AIG1: variants seen among roughly 807,000 people sequenced by gnomAD.
The protein encoded by AIG1 is androgen-induced gene 1 protein.
Under a neutral mutation model 31.4 loss-of-function variants are expected in AIG1, and 23 were observed. That is an observed-to-expected ratio of 0.73 (90% CI 0.53 to 1.04). The LOEUF (loss-of-function observed/expected upper bound fraction) is 1.04, where lower values mean the gene tolerates loss of function less well. Among genes scored for constraint, AIG1 ranks in the 50% least tolerant of loss-of-function variants. The probability of loss-of-function intolerance (pLI) is 0.00; values close to 1 mark genes in which losing one functional copy is unlikely to be tolerated. For synonymous variants in AIG1, 100 were observed against 110.5 expected, an observed-to-expected ratio of 0.90 and a Z score of 0.60; for missense variants, 274 against 295.0, an observed-to-expected ratio of 0.93 and a Z score of 0.52.
At chr6:143,060,319 G>A (rs1246038573), upstream of AIG1, among the ~76,000 whole-genome samples, 1 of 152,210 alleles carries the variant, frequency 6.6e-6, no homozygotes, top group Non-Finnish European at 1.5e-5. Context: ...GCGGCTGCCT[G>A]TGCTCGGGTT....
intron 3 of AIG1, among the ~76,000 whole-genome samples, chr6:143,191,971 C>T (rs892304365): frequency 6.6e-6 from 1 of 152,146 alleles, no homozygotes; most frequent in Admixed American, 6.5e-5. Context: ...CCCAAACTCT[C>T]CTCATTCTGT....
intron 1 of AIG1, among the ~76,000 whole-genome samples, chr6:143,124,325 T>A (rs1323014896): frequency 1.3e-5 from 2 of 152,194 alleles, no homozygotes; most frequent in Non-Finnish European, 2.9e-5. Context: ...GGACATCCAG[T>A]GTTGCTCTGC....
intron 1 of AIG1, among the ~76,000 whole-genome samples, chr6:143,111,986 A>G (rs1781316030): frequency 6.6e-6 from 1 of 152,084 alleles, no homozygotes; most frequent in Non-Finnish European, 1.5e-5. Flanking sequence ...CTCCAATCTC[A>G]TATCTGCTTT....
chr6:143,160,077 TG>T (rs1196523427), intron 2 of AIG1, among the ~76,000 whole-genome samples: 3 of 152,320 alleles, frequency 2.0e-5, no homozygotes, highest in African/African-American at 7.2e-5. Flanking sequence ...CAGTTGAAGC[TG>T]CAGACTTTAA....
chr6:143,272,203 A>G (rs1018881398), intron 3 of AIG1, among the ~76,000 whole-genome samples: 2 of 152,214 alleles, frequency 1.3e-5, no homozygotes, highest in African/African-American at 4.8e-5. Flanking sequence ...AAAAAGAGGG[A>G]TTAACTCCGC....
rs1795353853 is a variant in AIG1, at chr6:143,256,002, T to C, written c.400-28108T>C. ...TCCTGAGTTGTCTAAAATTATGACA[T>C]AGTTATTTTCATTATTGTACAGTTT... On this transcript the variant is annotated intron_variant, in intron 3 of 5. Transcript: ENST00000357847. This position sits in a 1 kb window ranked among gnomAD's most constrained non-coding sequence, Gnocchi z 4.6. 6.6e-6 allele frequency among the ~76,000 whole-genome samples: 1 copy of C among 152,214 alleles called. No individual in the cohort carries two copies. The highest frequency in any genetic ancestry group is 2.4e-5 in the African/African-American group (1 of 41,456).
At chr6:143,127,654 A>C (rs1052177538) in intron 1 of AIG1, among the ~76,000 whole-genome samples, 3 of 152,118 alleles carry the variant, frequency 2.0e-5, no homozygotes, top group African/African-American at 4.8e-5. Flanking sequence ...CAACTAATTA[A>C]GGACATAACT....
intron 3 of AIG1, among the ~76,000 whole-genome samples, chr6:143,213,173 G>A (rs1404111454): frequency 6.6e-6 from 1 of 152,220 alleles, no homozygotes; most frequent in Non-Finnish European, 1.5e-5. Context: ...TTTTGATGCA[G>A]TATCATTTAA....
chr6:143,321,585 G>A (rs370719404), intron 4 of AIG1, among the ~76,000 whole-genome samples: 8 of 151,790 alleles, frequency 5.3e-5, no homozygotes, highest in African/African-American at 1.9e-4. Context: ...GAGGAAGACT[G>A]TATAAAAAAA....
chr6:143,312,038 C>G (rs1463584589), intron 4 of AIG1, among the ~76,000 whole-genome samples: 1 of 151,802 alleles, frequency 6.6e-6, no homozygotes, highest in East Asian at 1.9e-4. Context: ...AACTATAAAA[C>G]ATGGTGAAAG....
Position 143,334,043 on chromosome 6 carries a change from T to G in AIG1, c.679+598T>G. 6.5e-7 allele frequency: 1 copy of G among 1,549,576 alleles called. No homozygotes were observed. Among genetic ancestry groups the G allele is most frequent in the East Asian group, 2.4e-5 (1 of 40,916 alleles). ...TGGCTGGAAAAACTCTTTTAACCTG[T>G]GATTTGATTTCTCTTTTGTTTCCAT... On this transcript the variant is annotated intron_variant, in intron 5 of 5. Transcript: ENST00000357847. The surrounding 1 kb of genome is among the most constrained non-coding windows in gnomAD (Gnocchi z 5.1).
chr6:143,103,331 A>G (rs1780476721), intron 1 of AIG1, among the ~76,000 whole-genome samples: 1 of 152,152 alleles, frequency 6.6e-6, no homozygotes, highest in Non-Finnish European at 1.5e-5. Flanking sequence ...AACATTGATT[A>G]GCTAAATTAA....
chr6:143,255,089 C>G (rs1795288417), intron 3 of AIG1, among the ~76,000 whole-genome samples: 1 of 152,186 alleles, frequency 6.6e-6, no homozygotes, highest in African/African-American at 2.4e-5. Flanking sequence ...TAGGTAAACT[C>G]TCACATAAGA....
intron 3 of AIG1, among the ~76,000 whole-genome samples, chr6:143,262,656 G>A (rs1386478573): frequency 1.3e-5 from 2 of 151,634 alleles, no homozygotes; most frequent in Admixed American, 6.6e-5. Context: ...GGTAGAAGGA[G>A]GCAATATGCA....
At chr6:143,274,841 T>C (rs1796780517) in intron 3 of AIG1, among the ~76,000 whole-genome samples, 1 of 152,218 alleles carries the variant, frequency 6.6e-6, no homozygotes, top group East Asian at 1.9e-4. Flanking sequence ...TCGTCATGTA[T>C]AAAATGAAGA....
At chr6:143,162,553 T>G (rs995453655) in intron 2 of AIG1, among the ~76,000 whole-genome samples, 4 of 152,082 alleles carry the variant, frequency 2.6e-5, no homozygotes, top group African/African-American at 9.7e-5. Flanking sequence ...TTCTGTAGAG[T>G]ATGAGAGAGA....
At chr6:143,240,918 C>T (rs1022471017) in intron 3 of AIG1, among the ~76,000 whole-genome samples, 2 of 152,084 alleles carry the variant, frequency 1.3e-5, no homozygotes, top group African/African-American at 4.8e-5. Flanking sequence ...AAAGGACTTC[C>T]ATGAAGAGTT....
At chr6:143,278,194 T>C (rs1159055141) in intron 3 of AIG1, among the ~76,000 whole-genome samples, 2 of 152,222 alleles carry the variant, frequency 1.3e-5, no homozygotes, top group African/African-American at 4.8e-5. Flanking sequence ...TCTTTCCAGT[T>C]TCCTGGTGAA....
intron 3 of AIG1, among the ~76,000 whole-genome samples, chr6:143,281,169 A>G (rs1301509235): frequency 6.6e-6 from 1 of 152,264 alleles, no homozygotes. Context: ...GGAGGCATAC[A>G]GAACTAGTTT....
Sources: gnomAD v4.1 joint callset for allele counts (sites outside exome capture counted in the v4.1 genomes callset) on GRCh38, gnomAD v4.1.1 for gene constraint, Gnocchi (gnomAD v3.1) non-coding constraint, MANE v1.5 for transcripts, NCBI Gene and HGNC (gene_info 2026-07-23, HGNC 2026-07-21) for gene names.